HDDC2: variants seen among roughly 807,000 people sequenced by gnomAD.
The protein encoded by HDDC2 is HD domain containing 2, also known as 5'-deoxynucleotidase HDDC2.
Under a neutral mutation model 25.5 loss-of-function variants are expected in HDDC2, and 25 were observed. The observed-to-expected ratio is 0.98, with a 90% CI of 0.72 to 1.37. The LOEUF is 1.37. HDDC2 is among the 40% of genes most tolerant of loss of function. The pLI, the probability that HDDC2 is intolerant of heterozygous loss-of-function variation, is 0.00. For missense variants in HDDC2, 264 were observed against 253.1 expected (o/e 1.04, Z -0.29); for synonymous variants, 106 against 89.7 (o/e 1.18, Z -1.03).
chr6:125,294,007 C>A (rs1253097770), intron 3 of HDDC2, among the ~76,000 whole-genome samples: 1 of 152,164 alleles, frequency 6.6e-6, no homozygotes, highest in Non-Finnish European at 1.5e-5. Context: ...CTACCCTTAT[C>A]CTCCAGTCTT....
chr6:125,293,808 T>C (rs533067470), intron 3 of HDDC2, among the ~76,000 whole-genome samples: 2 of 152,232 alleles, frequency 1.3e-5, no homozygotes. Flanking sequence ...AATCTTATAA[T>C]TCAAACCAGG....
chr6:125,286,774 C>T (rs1382789638), intron 4 of HDDC2, among the ~76,000 whole-genome samples: 1 of 152,086 alleles, frequency 6.6e-6, no homozygotes, highest in East Asian at 1.9e-4. Context: ...TTTCTGCTAT[C>T]GAAGAAGCAT....
intron 4 of HDDC2, among the ~76,000 whole-genome samples, chr6:125,287,785 A>C (rs1050555727): frequency 6.6e-6 from 1 of 152,220 alleles, no homozygotes; most frequent in Non-Finnish European, 1.5e-5. Flanking sequence ...AGAAACAGCC[A>C]GAAAGGCTCA....
In HDDC2 at chr6:125,275,359, A is replaced by C. The variant is rs1274177233; in HGVS notation, c.*787T>G. On this transcript the variant is annotated 3_prime_UTR_variant, in exon 6 of 6. Coordinates refer to ENST00000398153, the MANE Select transcript of HDDC2 (RefSeq NM_016063.3). The stretch of plus-strand genomic sequence containing the variant: ...TAAAGGCAGACAGGGTGGATTATTT[A>C]TCCTATAAAAGGGAAAAGAGAGGAA... 6.6e-6 allele frequency: 1 copy of C among 152,210 alleles called. No individual in the cohort carries two copies. The highest frequency in any genetic ancestry group is 6.5e-5 in the Admixed American group (1 of 15,284). 9.4% of individuals were successfully genotyped at this position (152,210 alleles called of 1,614,324 possible). A position where few individuals can be genotyped will look rare whatever the true frequency, so the allele number is the denominator to read the frequency against.
At chr6:125,298,117 G>A (rs891808410) in intron 3 of HDDC2, among the ~76,000 whole-genome samples, 2 of 151,940 alleles carry the variant, frequency 1.3e-5, no homozygotes, top group African/African-American at 4.8e-5. Context: ...GAGGGAGAGG[G>A]GGGTTAAAAA....
intron 1 of HDDC2, among the ~76,000 whole-genome samples, chr6:125,300,974 A>G (rs1263050451): frequency 6.6e-6 from 1 of 152,146 alleles, no homozygotes; most frequent in African/African-American, 2.4e-5. Flanking sequence ...CATTTTTCCG[A>G]ACAAGAGTTG....
intron 4 of HDDC2, among the ~76,000 whole-genome samples, chr6:125,282,514 A>C (rs1353699536): frequency 6.6e-6 from 1 of 152,216 alleles, no homozygotes; most frequent in Non-Finnish European, 1.5e-5. Context: ...TCCTGAAGGA[A>C]GCACTAAATA....
chr6:125,298,620 T>TTC (rs1327386360), intron 3 of HDDC2, 94 bp downstream of exon 3: 1 of 867,382 alleles, frequency 1.2e-6, no homozygotes, highest in African/African-American at 1.7e-5. Flanking sequence ...CAAGGCGGTA[T>TTC]TCTCCCTAAC....
intron 4 of HDDC2, chr6:125,278,302 T>C (rs1426777492): frequency 6.6e-6 from 1 of 152,226 alleles, no homozygotes; most frequent in Non-Finnish European, 1.5e-5. Context: ...TATTTGTTTA[T>C]TCACATTCAC....
In HDDC2 at chr6:125,275,811, C is replaced by A. The variant is rs1040803; in HGVS notation, c.*335G>T. On this transcript the variant is annotated 3_prime_UTR_variant, in exon 6 of 6. Transcript: ENST00000398153. ...ATGAAATTTTCTATTATTCAATGAA[C>A]CTAGCCTTCGGGGATATCGGTAATT... is the stretch of plus-strand genomic sequence containing the variant. 1.3e-5 allele frequency: 3 copies of A among 228,710 alleles called. No individual in the cohort carries two copies. Among genetic ancestry groups the A allele is most frequent in the African/African-American group, 6.8e-5 (3 of 44,114 alleles). The allele number at this position is 228,710 out of a possible 1,614,324, so 14.2% of individuals were successfully genotyped here. A position where few individuals can be genotyped will look rare whatever the true frequency, so the allele number is the denominator to read the frequency against.
At position 125,301,921 on chromosome 6, in the gene HDDC2, G is replaced by A. The variant is rs1415550186; in HGVS notation, c.12C>T (p.Val4=). Residue 4 remains valine (V), a synonymous_variant, in exon 1 of 6, where the codon GTC becomes GTT. Coordinates refer to ENST00000398153, the MANE Select transcript of HDDC2 (RefSeq NM_016063.3). MAS[V]SSATFSGHGA... is the part of the protein sequence containing the mutation. ...CGTGGCCCGAGAAGGTCGCAGAGGA[G>A]ACCGAAGCCATGCGGCCACCGACCC... The A allele has an allele frequency of 4.5e-6, 7 of 1,550,598 alleles. No individual in the cohort carries two copies. The Admixed American group carries it at 1.4e-4, about 30-fold the overall frequency.
At chr6:125,277,690 T>C (rs1254193193) in intron 4 of HDDC2, 1 of 154,178 alleles carries the variant, frequency 6.5e-6, no homozygotes, top group African/African-American at 2.4e-5. Flanking sequence ...ATTTCTAGCT[T>C]TATCATTTAC....
chr6:125,275,755 G>A lies in HDDC2; in HGVS notation c.*391C>T, dbSNP rs1798357855. The A allele has an allele frequency of 5.8e-6, 1 of 173,858 alleles. No individual in the cohort carries two copies. The highest frequency in any genetic ancestry group is 2.4e-5 in the African/African-American group (1 of 41,892). The allele number at this position is 173,858 out of a possible 1,614,324, so 10.8% of individuals were successfully genotyped here. A position where few individuals can be genotyped will look rare whatever the true frequency, so the allele number is the denominator to read the frequency against. ...TTTCTGGATTCTTATCACTAAATCA[G>A]CTGAAGAATCTGTTCTTAAAAGCAA... is the stretch of plus-strand genomic sequence containing the variant. On this transcript the variant is annotated 3_prime_UTR_variant, in exon 6 of 6. Transcript: ENST00000398153.
chr6:125,290,012 C>T (rs887129531), intron 4 of HDDC2, among the ~76,000 whole-genome samples: 3 of 152,262 alleles, frequency 2.0e-5, no homozygotes, highest in African/African-American at 7.2e-5. Context: ...AAATTATAAT[C>T]AAGGATGTTT....
At chr6:125,282,702 T>C (rs1798476191) in intron 4 of HDDC2, among the ~76,000 whole-genome samples, 1 of 151,268 alleles carries the variant, frequency 6.6e-6, no homozygotes, top group Non-Finnish European at 1.5e-5. Flanking sequence ...AATGCCCCAA[T>C]TAAAAGGCAC....
chr6:125,286,438 T>G (rs1347175629), intron 4 of HDDC2, among the ~76,000 whole-genome samples: 1 of 152,252 alleles, frequency 6.6e-6, no homozygotes, highest in African/African-American at 2.4e-5. Context: ...CTGAGACTGC[T>G]TCATGTGTAA....
At chr6:125,287,974 G>T (rs563435607) in intron 4 of HDDC2, among the ~76,000 whole-genome samples, 1 of 152,336 alleles carries the variant, frequency 6.6e-6, no homozygotes, top group East Asian at 1.9e-4. Flanking sequence ...GCAGTGCCTG[G>T]TGGGCCTGTC....
chr6:125,282,317 G>A (rs1176819977), intron 4 of HDDC2, among the ~76,000 whole-genome samples: 1 of 148,834 alleles, frequency 6.7e-6, no homozygotes, highest in East Asian at 2.0e-4. Flanking sequence ...TTGCACTCCA[G>A]CCCAGGCCAA....
chr6:125,301,847 A>G lies in HDDC2; in HGVS notation c.84+2T>C, dbSNP rs1162547824. ...CGGCCTCCCGGCCTGGTGCCCGCTC[A>G]CCTTGAGCTGCCCTACCAGCCGCAG... On this transcript the variant is annotated splice_donor_variant, in intron 1 of 5. Transcript: ENST00000398153. LOFTEE classifies it high-confidence loss of function. The G allele has an allele frequency of 1.3e-6, 2 of 1,541,290 alleles. No individual in the cohort carries two copies. Among genetic ancestry groups the G allele is most frequent in the Non-Finnish European group, 1.7e-6 (2 of 1,145,744 alleles).
Sources: allele counts gnomAD v4.1 joint callset (sites outside exome capture counted in the v4.1 genomes callset), GRCh38; gene constraint gnomAD v4.1.1; transcripts MANE v1.5; gene names NCBI Gene and HGNC (gene_info 2026-07-23, HGNC 2026-07-21).